CDH18: variants seen among roughly 807,000 people sequenced by gnomAD.
The protein encoded by CDH18 is cadherin 18.
A neutral mutation model predicts 67.9 loss-of-function variants in CDH18; 31 were observed. That is an observed-to-expected ratio of 0.46 (90% CI 0.34 to 0.62). CDH18 has a LOEUF of 0.62. CDH18 is among the 20% of genes least tolerant of loss of function. CDH18 has a pLI of 0.01. For synonymous variants in CDH18, 362 were observed against 347.2 expected (o/e 1.04, Z -0.48); for missense variants, 890 against 975.5 (o/e 0.91, Z 1.17).
intron 2 of CDH18, among the ~76,000 whole-genome samples, chr5:20,039,297 C>T (rs2150468653): frequency 6.6e-6 from 1 of 152,154 alleles, no homozygotes; most frequent in African/African-American, 2.4e-5. Flanking sequence ...ACAATGCTAT[C>T]CCCATCAAGC....
At chr5:19,933,802 A>G (rs1793957364) in intron 2 of CDH18, among the ~76,000 whole-genome samples, 1 of 151,330 alleles carries the variant, frequency 6.6e-6, no homozygotes, top group African/African-American at 2.4e-5. Context: ...TTGATCCTTA[A>G]AATGGTGAAA....
In CDH18 at chr5:19,522,218, A is replaced by G. The variant is rs1407671323; in HGVS notation, c.1391-1440T>C. Among the ~76,000 whole-genome samples the G allele has an allele frequency of 3.3e-5, 5 of 152,274 alleles. No homozygotes were observed. The South Asian group carries it at 1.0e-3, about 32-fold the overall frequency. ...CAAGAACATATTAAGAAATACAAAA[A>G]ATAAAATGCAATATTCATATATTCT... On this transcript the variant is annotated intron_variant, in intron 9 of 12. Coordinates refer to ENST00000382275, the MANE Select transcript of CDH18 (RefSeq NM_004934.5).
chr5:20,433,231 A>AATATAT (rs149634704), intron 1 of CDH18, among the ~76,000 whole-genome samples: 3 of 149,452 alleles, frequency 2.0e-5, no homozygotes, highest in Non-Finnish European at 1.5e-5. Context: ...GTTAAGGTAA[A>AATATAT]ATATATATAT....
chr5:20,229,337 AT>A (rs772657904), intron 2 of CDH18, among the ~76,000 whole-genome samples: 2 of 152,174 alleles, frequency 1.3e-5, no homozygotes, highest in South Asian at 4.1e-4. Flanking sequence ...CACCTAACCA[AT>A]TTAATGTTTT....
intron 3 of CDH18, among the ~76,000 whole-genome samples, chr5:19,837,503 T>A (rs1257780522): frequency 6.6e-6 from 1 of 152,196 alleles, no homozygotes; most frequent in Non-Finnish European, 1.5e-5. Context: ...TTTTTAAAAA[T>A]TTATTTTATG....
rs70950073 is a variant in CDH18 at position 19,490,394 on chromosome 5, G to GTTTTTTTTTTTTTT, written c.1631-6856_1631-6843dup. Among the ~76,000 whole-genome samples, 44 of 60,210 alleles carry GTTTTTTTTTTTTTT rather than the reference G, an allele frequency of 7.3e-4. 7 individuals carry two copies. The highest frequency in any genetic ancestry group is 1.5e-3 in the African/African-American group (22 of 14,916). The allele number at this position is 60,210 out of a possible 152,430, so 39.5% of individuals were successfully genotyped here. Reference sequence around the variant, plus strand: ...TGATATATCACATATATAAAAATCTGTTTTTTTTTTTTTTTTTTTTTTTTT... The same window carrying GTTTTTTTTTTTTTT: ...TGATATATCACATATATAAAAATCTGTTTTTTTTTTTTTTTTTTTTTTTTTTTTTTTTTTTTTTT... On this transcript the variant is annotated intron_variant, in intron 11 of 12. Coordinates refer to ENST00000382275, the MANE Select transcript of CDH18 (RefSeq NM_004934.5).
intron 1 of CDH18, among the ~76,000 whole-genome samples, chr5:20,540,240 C>T (rs1050566457): frequency 3.9e-4 from 60 of 152,152 alleles, no homozygotes; most frequent in African/African-American, 1.4e-3. Context: ...ATAGTTTTGC[C>T]TAATTAAAAA....
chr5:20,187,978 G>A (rs1738234310), intron 2 of CDH18, among the ~76,000 whole-genome samples: 1 of 151,664 alleles, frequency 6.6e-6, no homozygotes, highest in Admixed American at 6.6e-5. Flanking sequence ...GAATAAAGAA[G>A]ATATGCCAAG....
chr5:20,301,803 T>TTTTTTTTTTTG (rs1735957422), intron 1 of CDH18, among the ~76,000 whole-genome samples: 1 of 119,836 alleles, frequency 8.3e-6, no homozygotes, highest in Non-Finnish European at 1.9e-5. Flanking sequence ...TTTTTTTTTT[T>TTTTTTTTTTTG]TTTTGGCATG....
Position 20,433,076 on chromosome 5 carries a change from C to T in CDH18, c.-580+142386G>A, listed in dbSNP as rs566999763. Reference sequence around the variant, plus strand: ...AATGCCTAAAACACTATGTTAGTCACGGATTAGCCGAGGTCAATAGGCGAC... The same window carrying T: ...AATGCCTAAAACACTATGTTAGTCATGGATTAGCCGAGGTCAATAGGCGAC... On this transcript the variant is annotated intron_variant, in intron 1 of 14. Coordinates refer to the CDH18 transcript ENST00000507958. Among the ~76,000 whole-genome samples the T allele has an allele frequency of 6.6e-5, 10 of 150,414 alleles. No individual in the cohort carries two copies. In the South Asian group the frequency reaches 1.5e-3, roughly 22 times the overall value.
intron 1 of CDH18, among the ~76,000 whole-genome samples, chr5:20,476,269 G>A (rs180787632): frequency 6.6e-6 from 1 of 150,634 alleles, no homozygotes; most frequent in African/African-American, 2.4e-5. Context: ...TTGCTGAGAT[G>A]AATTATTTTC....
At chr5:20,254,939 A>C (rs1255183543) in intron 2 of CDH18, among the ~76,000 whole-genome samples, 1 of 152,336 alleles carries the variant, frequency 6.6e-6, no homozygotes, top group African/African-American at 2.4e-5. Context: ...GCAGCCATAA[A>C]AAAGGAATAA....
intron 5 of CDH18, among the ~76,000 whole-genome samples, chr5:19,622,154 T>C (rs1233822774): frequency 6.6e-6 from 1 of 152,170 alleles, no homozygotes; most frequent in African/African-American, 2.4e-5. Flanking sequence ...AAGCAGCCTC[T>C]CCTGGCCAGG....
chr5:19,982,932 T>C (rs1432205797), intron 1 of CDH18, among the ~76,000 whole-genome samples: 5 of 150,022 alleles, frequency 3.3e-5, no homozygotes, highest in African/African-American at 9.8e-5. Flanking sequence ...TAGTCCCAGA[T>C]ACTTGGGAGG....
chr5:20,542,391 C>T lies in CDH18; in HGVS notation c.-580+33071G>A, dbSNP rs149759408. Among the ~76,000 whole-genome samples, 1,354 of 151,244 alleles carry T rather than the reference C, an allele frequency of 9.0e-3. 5 individuals carry two copies. Among genetic ancestry groups the T allele is most frequent in the Admixed American group, 0.013 (194 of 15,156 alleles). On this transcript the variant is annotated intron_variant, in intron 1 of 14. Transcript: ENST00000507958. The stretch of plus-strand genomic sequence containing the variant: ...AATTATAAAACATCCCCATCATGGT[C>T]TTGTGGTAAGGGTTTCTATTAGCAT...
intron 2 of CDH18, among the ~76,000 whole-genome samples, chr5:20,078,772 TA>T (rs1170332239): frequency 1.3e-5 from 2 of 151,824 alleles, no homozygotes; most frequent in Non-Finnish European, 2.9e-5. Context: ...CCAGCTAATA[TA>T]TTTTTTTTGT....
intron 2 of CDH18, among the ~76,000 whole-genome samples, chr5:20,003,854 G>A (rs1422559818): frequency 6.6e-6 from 1 of 152,132 alleles, no homozygotes; most frequent in African/African-American, 2.4e-5. Context: ...CCCAGATTGA[G>A]CCACTGCACT....
intron 1 of CDH18, among the ~76,000 whole-genome samples, chr5:20,258,020 A>G (rs1209326934): frequency 6.6e-6 from 1 of 152,096 alleles, no homozygotes; most frequent in Admixed American, 6.6e-5. Context: ...GTTATTTTGC[A>G]GAGCTCTTCA....
chr5:20,188,043 CAG>C (rs1738238697), intron 2 of CDH18, among the ~76,000 whole-genome samples: 1 of 151,804 alleles, frequency 6.6e-6, no homozygotes, highest in African/African-American at 2.4e-5. Flanking sequence ...GAATGCATTG[CAG>C]AGACATGCCA....
Sources: gnomAD v4.1 joint callset for allele counts (sites outside exome capture counted in the v4.1 genomes callset) on GRCh38, gnomAD v4.1.1 for gene constraint, MANE v1.5 for transcripts, NCBI Gene and HGNC (gene_info 2026-07-23, HGNC 2026-07-21) for gene names.